The following TAFA5 variants were observed in gnomAD, a reference collection of about 807,000 sequenced individuals.
TAFA5 encodes chemokine-like protein TAFA-5.
A neutral mutation model predicts 15.3 loss-of-function variants in TAFA5; 6 were observed. That is an observed-to-expected ratio of 0.39 (90% CI 0.21 to 0.77). The LOEUF is 0.77. Ranked by LOEUF, TAFA5 falls within the 30% of genes least tolerant of loss-of-function variation. TAFA5 has a pLI of 0.41. For synonymous variants in TAFA5, 103 were observed against 80.7 expected, an observed-to-expected ratio of 1.28 and a Z score of -1.48; for missense variants, 161 against 193.1, an observed-to-expected ratio of 0.83 and a Z score of 0.98.
intron 1 of TAFA5, among the ~76,000 whole-genome samples, chr22:48,602,526 T>C (rs1925011573): frequency 6.6e-6 from 1 of 152,224 alleles, no homozygotes; most frequent in African/African-American, 2.4e-5. Context: ...CTCACCCCCT[T>C]GCAGTTTCTC....
chr22:48,583,392 C>T (rs1000600538), intron 1 of TAFA5, among the ~76,000 whole-genome samples: 10 of 149,606 alleles, frequency 6.7e-5, no homozygotes, highest in African/African-American at 2.5e-4. Flanking sequence ...ACAAAATACA[C>T]CACACACCAC....
intron 1 of TAFA5, among the ~76,000 whole-genome samples, chr22:48,579,746 T>C (rs959234004): frequency 7.2e-5 from 11 of 152,214 alleles, no homozygotes; most frequent in African/African-American, 2.7e-4. Context: ...AAGCTTAATG[T>C]AAACAGAAGG....
At chr22:48,672,737 A>G (rs146567113) in intron 2 of TAFA5, among the ~76,000 whole-genome samples, 2 of 152,224 alleles carry the variant, frequency 1.3e-5, no homozygotes, top group African/African-American at 4.8e-5. Flanking sequence ...GTATGTTGAC[A>G]CCTTTGGGCA....
intron 1 of TAFA5, among the ~76,000 whole-genome samples, chr22:48,581,708 C>T (rs1924050739): frequency 6.6e-6 from 1 of 152,174 alleles, no homozygotes; most frequent in Non-Finnish European, 1.5e-5. Flanking sequence ...TGTACACGTG[C>T]CTGCTTATGC....
At position 48,680,037 on chromosome 22, in the gene TAFA5, G is replaced by A. The variant is rs535352745; in HGVS notation, c.263-27680G>A. Among the ~76,000 whole-genome samples the A allele has an allele frequency of 1.3e-4, 20 of 152,350 alleles. 1 individual carries two copies. The South Asian group carries it at 2.7e-3, about 20-fold the overall frequency. ...GGAGTCACAGAGGCCTCGTGAGGCT[G>A]CAGAGGGCCCGGTTCAACCGGCACC... On this transcript the variant is annotated intron_variant, in intron 2 of 3. Coordinates refer to ENST00000402357, the MANE Select transcript of TAFA5 (RefSeq NM_001082967.3).
At chr22:48,595,334 C>T (rs1038537946) in intron 1 of TAFA5, among the ~76,000 whole-genome samples, 1 of 152,252 alleles carries the variant, frequency 6.6e-6, no homozygotes, top group African/African-American at 2.4e-5. Flanking sequence ...TCTCCTCTTC[C>T]CGGCGCGTCA....
At chr22:48,605,973 C>T (rs910260955) in intron 1 of TAFA5, among the ~76,000 whole-genome samples, 5 of 152,196 alleles carry the variant, frequency 3.3e-5, no homozygotes, top group African/African-American at 1.2e-4. Context: ...ACCCCCAGCT[C>T]TGTGTGCTGG....
chr22:48,692,045 A>G (rs965577768), intron 2 of TAFA5, among the ~76,000 whole-genome samples: 1 of 150,556 alleles, frequency 6.6e-6, no homozygotes, highest in African/African-American at 2.4e-5. Flanking sequence ...CCCCAATCAG[A>G]GAGGCCCTGG....
At position 48,560,058 on chromosome 22, in the gene TAFA5, T is replaced by A. The variant is rs6008756; in HGVS notation, c.112+70354T>A. Among the ~76,000 whole-genome samples, 1,930 of 152,248 alleles carry A rather than the reference T, an allele frequency of 0.013. 46 individuals are homozygous for A. Among genetic ancestry groups the A allele is most frequent in the African/African-American group, 0.043 (1,793 of 41,526 alleles). ...CTATGCACACGCCGGCCATCCTCCA[T>A]CAGGCAGCTGCCCTGGCCACCGATG... is the stretch of plus-strand genomic sequence containing the variant. On this transcript the variant is annotated intron_variant, in intron 1 of 3. Transcript: ENST00000402357. The surrounding 1 kb of genome is among the most constrained non-coding windows in gnomAD (Gnocchi z 4.2).
At chr22:48,544,853 G>T (rs1922604531) in intron 1 of TAFA5, 2 of 471,130 alleles carry the variant, frequency 4.2e-6, no homozygotes, top group South Asian at 3.1e-5. Flanking sequence ...AGGTGAGAGA[G>T]CCCTGAGGGA....
chr22:48,505,920 C>T (rs5768688), intron 1 of TAFA5, among the ~76,000 whole-genome samples: 11,279 of 152,278 alleles, frequency 0.074, 556 homozygotes, highest in Middle Eastern at 0.11. Context: ...CAGGCTGGCA[C>T]GGCGTGGTCC....
intron 3 of TAFA5, among the ~76,000 whole-genome samples, chr22:48,712,884 G>C (rs1331307277): frequency 6.6e-6 from 1 of 152,242 alleles, no homozygotes; most frequent in East Asian, 1.9e-4. Context: ...AGGGCTGGTG[G>C]GGCCGAGGGG....
At chr22:48,644,548 C>T (rs1277957998) in intron 1 of TAFA5, among the ~76,000 whole-genome samples, 1 of 152,196 alleles carries the variant, frequency 6.6e-6, no homozygotes, top group African/African-American at 2.4e-5. Context: ...TGAGGACAGT[C>T]TGAGCCGTGT....
At chr22:48,735,389 A>T (rs2147269545) in intron 3 of TAFA5, among the ~76,000 whole-genome samples, 2 of 152,318 alleles carry the variant, frequency 1.3e-5, no homozygotes, top group South Asian at 4.1e-4. Context: ...CGCACAGTCC[A>T]CAGGAAGATG....
intron 1 of TAFA5, among the ~76,000 whole-genome samples, chr22:48,604,906 TG>T (rs1466920478): frequency 6.6e-6 from 1 of 151,956 alleles, no homozygotes; most frequent in Non-Finnish European, 1.5e-5. Flanking sequence ...GAGGAGGAGA[TG>T]GATATTACAG....
chr22:48,569,914 T>C (rs5767195), intron 1 of TAFA5, among the ~76,000 whole-genome samples: 60,831 of 151,792 alleles, frequency 0.4, 12,732 homozygotes, highest in East Asian at 0.54. Flanking sequence ...TGGGCCCTCA[T>C]GGGCCATGCT....
At chr22:48,717,768 G>A (rs1237747491) in intron 3 of TAFA5, among the ~76,000 whole-genome samples, 1 of 152,224 alleles carries the variant, frequency 6.6e-6, no homozygotes, top group Non-Finnish European at 1.5e-5. Flanking sequence ...ATCATCATTG[G>A]GCACAGCTTC....
intron 1 of TAFA5, among the ~76,000 whole-genome samples, chr22:48,588,860 G>T (rs1264965986): frequency 6.6e-6 from 1 of 152,060 alleles, no homozygotes; most frequent in Non-Finnish European, 1.5e-5. Flanking sequence ...GGCCCCCCGT[G>T]ATCTTCCCTG....
At chr22:48,707,957 C>T (rs1569088413) in intron 3 of TAFA5, 113 bp downstream of exon 3, 2 of 1,399,342 alleles carry the variant, frequency 1.4e-6, no homozygotes, top group East Asian at 2.3e-5. Flanking sequence ...ACTCCATCCT[C>T]ATGCAGAGAG....
Sources: gnomAD v4.1 joint callset for allele counts (sites outside exome capture counted in the v4.1 genomes callset) on GRCh38, gnomAD v4.1.1 for gene constraint, Gnocchi (gnomAD v3.1) non-coding constraint, MANE v1.5 for transcripts, NCBI Gene and HGNC (gene_info 2026-07-23, HGNC 2026-07-21) for gene names.